The following WDR59 variants were observed in gnomAD, a reference collection of about 807,000 sequenced individuals.
The protein encoded by WDR59 is WD repeat domain 59.
Under a neutral mutation model 131.2 loss-of-function variants are expected in WDR59, and 100 were observed. The ratio of observed to expected loss-of-function variants is 0.76; its 90% CI spans 0.65 to 0.90. The LOEUF (loss-of-function observed/expected upper bound fraction) is 0.90, where lower values mean the gene tolerates loss of function less well. WDR59 is among the 40% of genes least tolerant of loss of function. The probability of loss-of-function intolerance (pLI) is 0.00; values close to 1 mark genes in which losing one functional copy is unlikely to be tolerated. For synonymous variants in WDR59, 601 were observed against 466.2 expected (o/e 1.29, Z -3.72); for missense variants, 1,203 against 1,262.2 (o/e 0.95, Z 0.71).
chr16:74,965,767 A>C lies in WDR59; in HGVS notation c.104+6T>G, dbSNP rs375324884. 9 of 1,613,998 alleles carry C rather than the reference A, an allele frequency of 5.6e-6. No individual in the cohort carries two copies. The highest frequency in any genetic ancestry group is 6.8e-6 in the Non-Finnish European group (8 of 1,179,994). Reference sequence around the variant, plus strand: ...CATGGCAGACAAACTCGGCAAGCTTACTTACCCAGAAAGCACTGCATGCTG... The same window carrying C: ...CATGGCAGACAAACTCGGCAAGCTTCCTTACCCAGAAAGCACTGCATGCTG... On this transcript the variant is annotated splice_donor_region_variant and intron_variant, in intron 2 of 25. Coordinates refer to ENST00000262144, the MANE Select transcript of WDR59 (RefSeq NM_030581.4).
chr16:74,950,321 C>T (rs1650464928), intron 4 of WDR59, among the ~76,000 whole-genome samples: 1 of 152,012 alleles, frequency 6.6e-6, no homozygotes, highest in Non-Finnish European at 1.5e-5. Flanking sequence ...GAGTGAAACT[C>T]CATCTCAAAA....
At chr16:74,942,861 C>A in intron 6 of WDR59, 35 bp from the exon 7 acceptor site, 1 of 1,599,828 alleles carries the variant, frequency 6.3e-7, no homozygotes, top group South Asian at 1.1e-5. Flanking sequence ...AGCTGCTGCC[C>A]TTGGTGCTTT....
intron 2 of WDR59, 74 bp downstream of exon 2, chr16:74,965,699 C>A: frequency 6.4e-7 from 1 of 1,560,650 alleles, no homozygotes. Flanking sequence ...AGAATAGCTT[C>A]CAAGTTCCCA....
chr16:74,960,614 G>A (rs1245414649), intron 2 of WDR59, among the ~76,000 whole-genome samples: 4 of 151,512 alleles, frequency 2.6e-5, no homozygotes, highest in South Asian at 2.1e-4. Flanking sequence ...GCTTGGTGGC[G>A]CTCACCTGTA....
At chr16:74,963,954 G>C (rs940789507) in intron 2 of WDR59, among the ~76,000 whole-genome samples, 4 of 151,460 alleles carry the variant, frequency 2.6e-5, no homozygotes, top group Non-Finnish European at 5.9e-5. Context: ...TATGAAATGA[G>C]GCCAAGGTGA....
At chr16:74,929,351 A>T (rs981562568) in intron 8 of WDR59, among the ~76,000 whole-genome samples, 4 of 152,252 alleles carry the variant, frequency 2.6e-5, no homozygotes, top group Non-Finnish European at 4.4e-5. Context: ...CTGGGATTAT[A>T]GGCGTGAGCC....
intron 2 of WDR59, among the ~76,000 whole-genome samples, chr16:74,958,363 G>C (rs902246981): frequency 5.3e-5 from 8 of 151,782 alleles, no homozygotes; most frequent in African/African-American, 1.9e-4. Flanking sequence ...GCCAAGGTGG[G>C]TGGATAGCCT....
intron 8 of WDR59, among the ~76,000 whole-genome samples, chr16:74,926,170 C>T (rs1366567460): frequency 1.3e-5 from 2 of 151,538 alleles, no homozygotes; most frequent in Admixed American, 6.6e-5. Context: ...AGCGATTCTC[C>T]TGCCTCAGCC....
rs754952327 is a variant in WDR59, at chr16:74,921,986, C to T, written c.847G>A (p.Asp283Asn). The stretch of plus-strand genomic sequence containing the variant: ...CTCCACTGGAACTCCAGGACCACAT[C>T]ATCATGCCCCACGAAGGTGTGGACT... ...TPVHTFVGHD[D>N]VVLEFQWRKQ... Residue 283 changes from aspartate to asparagine, a missense_variant, in exon 10 of 26, where the codon GAT becomes AAT. Physicochemically the swap from Asp to Asn is conservative, Grantham distance 23. Transcript: ENST00000262144. 1.2e-6 allele frequency: 2 copies of T among 1,614,200 alleles called. No homozygotes were observed. Among genetic ancestry groups the T allele is most frequent in the Admixed American group, 3.3e-5 (2 of 60,028 alleles).
chr16:74,946,094 G>GCTCA (rs2032618196), intron 6 of WDR59, among the ~76,000 whole-genome samples: 1 of 152,086 alleles, frequency 6.6e-6, no homozygotes, highest in Non-Finnish European at 1.5e-5. Flanking sequence ...GATTACAGGC[G>GCTCA]TGAGCCACCA....
rs200203554 is a variant in WDR59, at chr16:74,887,665, A to C, written c.2419+18T>G. The C allele has an allele frequency of 4.3e-6, 7 of 1,613,648 alleles. No homozygotes were observed. The East Asian group carries it at 1.1e-4, about 26-fold the overall frequency. On this transcript the variant is annotated intron_variant, in intron 23 of 25. Coordinates refer to ENST00000262144, the MANE Select transcript of WDR59 (RefSeq NM_030581.4). ...AGAACTAAAAATCCAGCGTGGGCTA[A>C]GTCATTTCCATACAAACCTATGTTC...
chr16:74,933,570 C>A, intron 8 of WDR59, among the ~76,000 whole-genome samples: 1 of 152,108 alleles, frequency 6.6e-6, no homozygotes, highest in South Asian at 2.1e-4. Flanking sequence ...ATCAAGACTG[C>A]AATCATTTCT....
At chr16:74,885,093 TGAA>T (rs1339952356) in intron 25 of WDR59, among the ~76,000 whole-genome samples, 3 of 152,230 alleles carry the variant, frequency 2.0e-5, no homozygotes, top group Non-Finnish European at 4.4e-5. Context: ...GTGGAATAAA[TGAA>T]GAAATATCCA....
chr16:74,950,591 G>A (rs1368347776), intron 4 of WDR59, among the ~76,000 whole-genome samples: 3 of 152,280 alleles, frequency 2.0e-5, no homozygotes, highest in South Asian at 2.1e-4. Context: ...CCCAACCCAG[G>A]TGTCTCACCT....
chr16:74,981,220 CA>C lies in WDR59; in HGVS notation c.54+3743del, dbSNP rs1004757059. Among the ~76,000 whole-genome samples, 573 of 151,046 alleles carry C rather than the reference CA, an allele frequency of 3.8e-3. 1 individual carries two copies. Among genetic ancestry groups the C allele is most frequent in the African/African-American group, 0.013 (542 of 41,188 alleles). Reference sequence around the variant, plus strand: ...CTCTACTAAAAAAAATATATATATACAAAAAATTAGCCAGGCGTGGTGGTGG... The same window carrying C: ...CTCTACTAAAAAAAATATATATATACAAAAATTAGCCAGGCGTGGTGGTGG... On this transcript the variant is annotated intron_variant, in intron 1 of 25. Transcript: ENST00000262144.
intron 8 of WDR59, among the ~76,000 whole-genome samples, chr16:74,937,524 C>T (rs1391450246): frequency 2.0e-5 from 3 of 152,158 alleles, no homozygotes; most frequent in African/African-American, 7.2e-5. Context: ...TTTCTTGAGG[C>T]AGAGGCTCGC....
In WDR59 at chr16:74,915,976, G is replaced by A; in HGVS notation, c.1118C>T (p.Pro373Leu). 5 of 1,614,154 alleles carry A rather than the reference G, an allele frequency of 3.1e-6. No individual in the cohort carries two copies. The highest frequency in any genetic ancestry group is 3.4e-6 in the Non-Finnish European group (4 of 1,180,014). ...GEEEALKEDP[P>L]RNLLEERKSD... The stretch of plus-strand genomic sequence containing the variant: ...TTTCCTCTCTTCCAGGAGATTTCTA[G>A]GGGGATCTTCTTTTAGGGCTAGCAG... Residue 373 changes from proline to leucine, a missense_variant, in exon 13 of 26, where the codon CCT becomes CTT. Transcript: ENST00000262144.
chr16:74,900,152 G>C (rs971774925), intron 18 of WDR59, among the ~76,000 whole-genome samples: 2 of 152,204 alleles, frequency 1.3e-5, no homozygotes, highest in African/African-American at 4.8e-5. Context: ...GTAAGAAGGA[G>C]AACATATATT....
chr16:74,942,919 G>T, intron 6 of WDR59, 93 bp from the exon 7 acceptor site: 1 of 1,128,958 alleles, frequency 8.9e-7, no homozygotes, highest in South Asian at 1.3e-5. Context: ...ATGAGTTCTG[G>T]CTGAATAAGC....
Sources: allele counts gnomAD v4.1 joint callset (sites outside exome capture counted in the v4.1 genomes callset), GRCh38; gene constraint gnomAD v4.1.1; transcripts MANE v1.5; gene names NCBI Gene and HGNC (gene_info 2026-07-23, HGNC 2026-07-21).